Variants in NAT1 observed in about 807,000 individuals in gnomAD.
NAT1 encodes the protein arylamine N-acetyltransferase 1.
For synonymous variants in NAT1, 144 were observed against 122.6 expected, an observed-to-expected ratio of 1.17 and a Z score of -1.16; for missense variants, 400 against 339.2, an observed-to-expected ratio of 1.18 and a Z score of -1.41.
At chr8:18,212,467 G>C (rs1804201885) in intron 1 of NAT1, 1 of 152,398 alleles carries the variant, frequency 6.6e-6, no homozygotes, top group East Asian at 1.9e-4. Flanking sequence ...CCATGTGTGT[G>C]TGACTGAAGG....
chr8:18,176,226 G>T (rs769361947), intron 2 of NAT1, among the ~76,000 whole-genome samples: 4 of 151,978 alleles, frequency 2.6e-5, no homozygotes, highest in Non-Finnish European at 5.9e-5. Context: ...ATCCCAATTT[G>T]TCCACTTTTG....
At chr8:18,170,501 A>G (rs1802056840) in exon 1 of NAT1, 1 of 152,204 alleles carries the variant, frequency 6.6e-6, no homozygotes, top group Admixed American at 6.5e-5. Context: ...CAAACTGCAC[A>G]AATCAGGTAG....
Position 18,222,881 on chromosome 8 carries a change from G to A in NAT1, c.834G>A (p.Lys278=). ...KNIFNISLQR[K]LVPKHGDRFF... is the part of the protein sequence containing the mutation. Reference sequence around the variant, plus strand: ...TATTTAATATTTCCTTGCAGAGAAAGCTTGTGCCCAAACATGGTGATAGAT... The same window carrying A: ...TATTTAATATTTCCTTGCAGAGAAAACTTGTGCCCAAACATGGTGATAGAT... The change falls in exon 3 of 3, where the codon AAG becomes AAA. Residue 278 remains lysine (K), a synonymous_variant. Transcript: ENST00000307719. 5 of 1,579,780 alleles carry A rather than the reference G, an allele frequency of 3.2e-6. No homozygotes were observed. Among genetic ancestry groups the A allele is most frequent in the Non-Finnish European group, 4.3e-6 (5 of 1,168,812 alleles).
chr8:18,187,390 A>G (rs975964743), intron 2 of NAT1, among the ~76,000 whole-genome samples: 6 of 152,204 alleles, frequency 3.9e-5, no homozygotes, highest in African/African-American at 1.4e-4. Flanking sequence ...ATAAAGACAC[A>G]TGCATATGTA....
intron 2 of NAT1, among the ~76,000 whole-genome samples, chr8:18,188,405 T>C (rs1802828805): frequency 6.6e-6 from 1 of 152,182 alleles, no homozygotes; most frequent in African/African-American, 2.4e-5. Flanking sequence ...TGACCACTGA[T>C]TTGTTTAAGA....
At chr8:18,170,609 G>A (rs1802060369) in intron 1 of NAT1, 1 of 152,126 alleles carries the variant, frequency 6.6e-6, no homozygotes, top group African/African-American at 2.4e-5. Flanking sequence ...GGGCTGCTTG[G>A]TTCTAGAATC....
upstream of NAT1, among the ~76,000 whole-genome samples, chr8:18,206,959 T>C (rs971905147): frequency 6.6e-6 from 1 of 152,230 alleles, no homozygotes; most frequent in African/African-American, 2.4e-5. Flanking sequence ...GTCTATTTCC[T>C]GAATAGTGTT....
intron 2 of NAT1, among the ~76,000 whole-genome samples, chr8:18,174,512 C>T (rs1802214704): frequency 6.6e-6 from 1 of 152,066 alleles, no homozygotes; most frequent in Admixed American, 6.6e-5. Context: ...GAAGGCACCA[C>T]AGGTCAAATC....
intron 2 of NAT1, among the ~76,000 whole-genome samples, chr8:18,189,007 AAAAAAG>A (rs1237694324): frequency 6.6e-6 from 1 of 151,218 alleles, no homozygotes; most frequent in African/African-American, 2.4e-5. Context: ...AAAAAAAAAA[AAAAAAG>A]AAAGAAAGAA....
At chr8:18,180,780 T>A (rs1802480433) in intron 2 of NAT1, among the ~76,000 whole-genome samples, 1 of 152,152 alleles carries the variant, frequency 6.6e-6, no homozygotes, top group Admixed American at 6.6e-5. Flanking sequence ...ATATATGTAA[T>A]TATAATGTAT....
At chr8:18,182,215 T>A (rs1448957215) in intron 2 of NAT1, among the ~76,000 whole-genome samples, 1 of 152,206 alleles carries the variant, frequency 6.6e-6, no homozygotes, top group Non-Finnish European at 1.5e-5. Context: ...AGGATAGTTG[T>A]TCCATTTGAT....
chr8:18,175,974 T>A (rs1202800435), intron 2 of NAT1, among the ~76,000 whole-genome samples: 1 of 152,144 alleles, frequency 6.6e-6, no homozygotes, highest in East Asian at 1.9e-4. Context: ...TCTGAGCATT[T>A]TTCATGTATC....
At chr8:18,189,009 A>AAAAAAAAAAAAAAAG (rs1329509282) in intron 2 of NAT1, among the ~76,000 whole-genome samples, 1 of 149,142 alleles carries the variant, frequency 6.7e-6, no homozygotes, top group Non-Finnish European at 1.5e-5. Context: ...AAAAAAAAAA[A>AAAAAAAAAAAAAAAG]AAAGAAAGAA....
chr8:18,204,783 A>G (rs1301127341), intron 2 of NAT1, among the ~76,000 whole-genome samples: 2 of 152,238 alleles, frequency 1.3e-5, no homozygotes, highest in African/African-American at 4.8e-5. Flanking sequence ...AAGTGTATAA[A>G]AAAAGTAAGA....
intron 2 of NAT1, among the ~76,000 whole-genome samples, chr8:18,198,016 G>T (rs554191322): frequency 6.6e-6 from 1 of 151,868 alleles, no homozygotes; most frequent in South Asian, 2.1e-4. Flanking sequence ...TACTAAAATT[G>T]CTAGCAAAGG....
At chr8:18,199,686 G>A (rs1489222434) in intron 2 of NAT1, among the ~76,000 whole-genome samples, 2 of 152,190 alleles carry the variant, frequency 1.3e-5, no homozygotes, top group African/African-American at 4.8e-5. Flanking sequence ...ACCTTTGAGT[G>A]TGTGATGGCT....
At chr8:18,170,659 C>G (rs1235190921) in intron 1 of NAT1, 5 of 152,120 alleles carry the variant, frequency 3.3e-5, no homozygotes, top group Non-Finnish European at 7.3e-5. Flanking sequence ...TTTAATTTAA[C>G]TTGGACTTTT....
intron 1 of NAT1, among the ~76,000 whole-genome samples, chr8:18,217,853 A>G (rs903594276): frequency 6.6e-6 from 1 of 152,212 alleles, no homozygotes; most frequent in Non-Finnish European, 1.5e-5. Context: ...GGTGCAGGGA[A>G]TAATGAGCCC....
At chr8:18,182,518 G>GT (rs1802560308) in intron 2 of NAT1, among the ~76,000 whole-genome samples, 1 of 152,058 alleles carries the variant, frequency 6.6e-6, no homozygotes, top group African/African-American at 2.4e-5. Flanking sequence ...AGATTGCTTC[G>GT]TTTTTAAAAA....
Sources: gnomAD v4.1 joint callset for allele counts (sites outside exome capture counted in the v4.1 genomes callset) on GRCh38, gnomAD v4.1.1 for gene constraint, MANE v1.5 for transcripts, NCBI Gene and HGNC (gene_info 2026-07-23, HGNC 2026-07-21) for gene names.